KCNH8: variants seen among roughly 807,000 people sequenced by gnomAD.
The protein encoded by KCNH8 is voltage-gated delayed rectifier potassium channel KCNH8.
In KCNH8, 70 loss-of-function variants were observed where a neutral mutation model predicts 103.6. The ratio of observed to expected loss-of-function variants is 0.68; its 90% CI spans 0.56 to 0.82. The LOEUF (loss-of-function observed/expected upper bound fraction) is 0.82, where lower values mean the gene tolerates loss of function less well. KCNH8 is among the 40% of genes least tolerant of loss of function. The probability of loss-of-function intolerance (pLI) is 0.00; values close to 1 mark genes in which losing one functional copy is unlikely to be tolerated. For missense variants in KCNH8, 1,217 were observed against 1,329.9 expected, an observed-to-expected ratio of 0.92 and a Z score of 1.32; for synonymous variants, 498 against 489.4, an observed-to-expected ratio of 1.02 and a Z score of -0.23.
chr3:19,239,611 T>C (rs1045407098), intron 1 of KCNH8, among the ~76,000 whole-genome samples: 5 of 151,546 alleles, frequency 3.3e-5, no homozygotes, highest in African/African-American at 1.2e-4. Context: ...TTATTACCAG[T>C]AGCTGAGGAA....
At chr3:19,442,732 T>C (rs1190271300) in intron 8 of KCNH8, among the ~76,000 whole-genome samples, 1 of 152,138 alleles carries the variant, frequency 6.6e-6, no homozygotes, top group Non-Finnish European at 1.5e-5. Flanking sequence ...GCTTTTCATA[T>C]TTGTGTTTGT....
At chr3:19,375,783 T>G (rs1278265631) in intron 5 of KCNH8, among the ~76,000 whole-genome samples, 4 of 151,762 alleles carry the variant, frequency 2.6e-5, no homozygotes, top group Admixed American at 6.6e-5. Context: ...GATGGGTTTT[T>G]GGTGTGGATG....
chr3:19,191,604 C>G (rs2063553842), intron 1 of KCNH8, among the ~76,000 whole-genome samples: 1 of 151,572 alleles, frequency 6.6e-6, no homozygotes, highest in Non-Finnish European at 1.5e-5. Flanking sequence ...TCACCTTTCT[C>G]TAGAACTCCT....
At chr3:19,472,839 G>A (rs2067891641) in intron 11 of KCNH8, among the ~76,000 whole-genome samples, 1 of 152,098 alleles carries the variant, frequency 6.6e-6, no homozygotes, top group African/African-American at 2.4e-5. Context: ...ATAAGATTTA[G>A]TCAAATAAAC....
intron 10 of KCNH8, among the ~76,000 whole-genome samples, chr3:19,452,934 A>G (rs2067472342): frequency 6.6e-6 from 1 of 152,184 alleles, no homozygotes; most frequent in South Asian, 2.1e-4. Context: ...TATGATATCA[A>G]CAATATGGAA....
At chr3:19,315,917 A>T (rs532816217) in intron 3 of KCNH8, among the ~76,000 whole-genome samples, 1 of 152,006 alleles carries the variant, frequency 6.6e-6, no homozygotes, top group Non-Finnish European at 1.5e-5. Flanking sequence ...AGAAACTTAG[A>T]TCACTATTTG....
chr3:19,483,189 C>T (rs1044873657), intron 11 of KCNH8, among the ~76,000 whole-genome samples: 3 of 152,252 alleles, frequency 2.0e-5, no homozygotes, highest in South Asian at 4.1e-4. Context: ...CAGGTAATTT[C>T]GCATAAGCTC....
At chr3:19,265,778 T>C (rs972570995) in intron 2 of KCNH8, among the ~76,000 whole-genome samples, 23 of 152,122 alleles carry the variant, frequency 1.5e-4, no homozygotes, top group African/African-American at 5.5e-4. Context: ...CATTTACACA[T>C]GCTTAAACTA....
intron 11 of KCNH8, among the ~76,000 whole-genome samples, chr3:19,507,569 G>A (rs180801893): frequency 6.5e-4 from 99 of 152,272 alleles, no homozygotes; most frequent in Admixed American, 6.4e-3. Flanking sequence ...GAGGGATTGT[G>A]GGTTTTCTCT....
At chr3:19,486,919 C>T (rs929233100) in intron 11 of KCNH8, among the ~76,000 whole-genome samples, 3 of 152,170 alleles carry the variant, frequency 2.0e-5, no homozygotes, top group Non-Finnish European at 4.4e-5. Context: ...GGTAGCATAC[C>T]TGCTGTCTGC....
At chr3:19,346,354 G>A (rs1049640683) in intron 4 of KCNH8, among the ~76,000 whole-genome samples, 1 of 152,048 alleles carries the variant, frequency 6.6e-6, no homozygotes, top group African/African-American at 2.4e-5. Flanking sequence ...AGACAAAGGA[G>A]ACAGGACAAA....
chr3:19,467,916 C>T (rs188681908), intron 11 of KCNH8, among the ~76,000 whole-genome samples: 3 of 152,178 alleles, frequency 2.0e-5, no homozygotes, highest in Admixed American at 6.5e-5. Flanking sequence ...GCCTGCTTTC[C>T]CTTCCTTAGG....
chr3:19,458,448 T>C (rs1434328838), intron 11 of KCNH8, among the ~76,000 whole-genome samples: 1 of 151,932 alleles, frequency 6.6e-6, no homozygotes, highest in Non-Finnish European at 1.5e-5. Flanking sequence ...TCTCAATCTC[T>C]ATTTTATTTC....
At chr3:19,179,392 A>T (rs1431509789) in intron 1 of KCNH8, among the ~76,000 whole-genome samples, 1 of 152,156 alleles carries the variant, frequency 6.6e-6, no homozygotes, top group Non-Finnish European at 1.5e-5. Flanking sequence ...CAACATTAAG[A>T]ATATCAGTTA....
chr3:19,326,203 A>G (rs1418023019), intron 3 of KCNH8, among the ~76,000 whole-genome samples: 2 of 151,898 alleles, frequency 1.3e-5, no homozygotes, highest in Non-Finnish European at 2.9e-5. Flanking sequence ...GGATGGGAGG[A>G]GAGAGAAGAT....
chr3:19,267,812 T>C (rs2125263843), intron 2 of KCNH8, among the ~76,000 whole-genome samples: 1 of 152,254 alleles, frequency 6.6e-6, no homozygotes, highest in African/African-American at 2.4e-5. Flanking sequence ...AAGGCTTCTG[T>C]CCCTTATGAA....
chr3:19,370,557 ACTAAG>A (rs1446211826), intron 5 of KCNH8, among the ~76,000 whole-genome samples: 3 of 152,114 alleles, frequency 2.0e-5, no homozygotes, highest in Non-Finnish European at 4.4e-5. Flanking sequence ...ATATATTATT[ACTAAG>A]CTAAGATAAT....
chr3:19,180,488 G>A (rs2063441132), intron 1 of KCNH8, among the ~76,000 whole-genome samples: 1 of 152,122 alleles, frequency 6.6e-6, no homozygotes, highest in Non-Finnish European at 1.5e-5. Flanking sequence ...TTGGAGATTA[G>A]GAATTGCCAA....
At chr3:19,397,957 T>A (rs1575015643) in intron 7 of KCNH8, among the ~76,000 whole-genome samples, 3 of 151,972 alleles carry the variant, frequency 2.0e-5, no homozygotes, top group African/African-American at 7.2e-5. Flanking sequence ...CTTTAATTTT[T>A]ACCCTGTAAT....
Sources: allele counts gnomAD v4.1 joint callset (sites outside exome capture counted in the v4.1 genomes callset), GRCh38; gene constraint gnomAD v4.1.1; transcripts MANE v1.5; gene names NCBI Gene and HGNC (gene_info 2026-07-23, HGNC 2026-07-21).